C1orf52: variants seen among roughly 807,000 people sequenced by gnomAD.
C1orf52 encodes UPF0690 protein C1orf52.
C1orf52 carries 5 observed loss-of-function variants against 17.2 expected under a neutral mutation model. That is an observed-to-expected ratio of 0.29 (90% CI 0.15 to 0.61). C1orf52 has a LOEUF of 0.61. C1orf52 is among the 20% of genes least tolerant of loss of function. The pLI is 0.85. For missense variants in C1orf52, 245 were observed against 234.1 expected (o/e 1.05, Z -0.30); for synonymous variants, 110 against 88.0 (o/e 1.25, Z -1.40).
In C1orf52 at chr1:85,259,515, T is replaced by G; in HGVS notation, c.119A>C (p.Asp40Ala). Residue 40 changes from aspartate (D) to alanine (A), a missense_variant, in exon 1 of 3, where the codon GAT (aspartate) becomes GCT (alanine). Transcript: ENST00000471115. ...ACAGCCGCCCGCCGACTTCGCCGGA[T>G]CCGGGGTTCTGCGACTCGTCTCCTC... ...EPEETSRRTP[D>A]PAKSAGGCRN... 6.2e-7 allele frequency: 1 copy of G among 1,613,914 alleles called. No individual in the cohort carries two copies. The highest frequency in any genetic ancestry group is 8.5e-7 in the Non-Finnish European group (1 of 1,180,014).
At chr1:85,259,168 T>A in intron 1 of C1orf52, 190 bp downstream of exon 1, 2 of 1,105,118 alleles carry the variant, frequency 1.8e-6, no homozygotes, top group Non-Finnish European at 2.5e-6. Context: ...GGGCTGCGGG[T>A]CCGGTCTAAC....
chr1:85,257,562 CA>C (rs1414953629), intron 2 of C1orf52: 1 of 686,714 alleles, frequency 1.5e-6, no homozygotes, highest in Non-Finnish European at 2.7e-6. Context: ...GGGTTTTAAG[CA>C]GGCAAGTTAT....
intron 2 of C1orf52, among the ~76,000 whole-genome samples, chr1:85,255,679 G>A (rs1360437097): frequency 6.6e-6 from 1 of 152,150 alleles, no homozygotes; most frequent in Admixed American, 6.5e-5. Flanking sequence ...GGGCAGAATG[G>A]GGAAGCAAAA....
chr1:85,257,435 C>T, intron 2 of C1orf52: 1 of 716,910 alleles, frequency 1.4e-6, no homozygotes, highest in Non-Finnish European at 2.6e-6. Flanking sequence ...GGCAGGGAAC[C>T]ATACAATTCA....
intron 2 of C1orf52, among the ~76,000 whole-genome samples, chr1:85,253,283 T>C (rs1659847522): frequency 6.6e-6 from 1 of 152,214 alleles, no homozygotes; most frequent in Non-Finnish European, 1.5e-5. Flanking sequence ...CATATTGTTT[T>C]CTTTTTACAA....
chr1:85,254,140 TCA>T (rs1401958939), intron 2 of C1orf52, among the ~76,000 whole-genome samples: 6 of 152,214 alleles, frequency 3.9e-5, no homozygotes, highest in African/African-American at 1.4e-4. Flanking sequence ...TCAGAATATC[TCA>T]TTTATTGATG....
chr1:85,259,066 A>G, intron 1 of C1orf52: 1 of 1,146,894 alleles, frequency 8.7e-7, no homozygotes, highest in Non-Finnish European at 1.1e-6. Context: ...GAGAAGCTGC[A>G]GCGGGGGGGG....
chr1:85,255,705 C>T (rs1473962879), intron 2 of C1orf52, among the ~76,000 whole-genome samples: 1 of 152,036 alleles, frequency 6.6e-6, no homozygotes, highest in Non-Finnish European at 1.5e-5. Context: ...AAGTCACTTG[C>T]TAATCTAAAA....
At chr1:85,254,470 T>C (rs564348917) in intron 2 of C1orf52, among the ~76,000 whole-genome samples, 7 of 151,966 alleles carry the variant, frequency 4.6e-5, no homozygotes, top group South Asian at 4.2e-4. Flanking sequence ...CAGCTCATTG[T>C]AATCTCCACC....
chr1:85,259,270 G>C, intron 1 of C1orf52, 88 bp downstream of exon 1: 3 of 1,468,422 alleles, frequency 2.0e-6, no homozygotes, highest in Non-Finnish European at 2.8e-6. Flanking sequence ...GCGTGTGGGG[G>C]GATGGACAGC....
At chr1:85,256,108 C>T (rs548269687) in intron 2 of C1orf52, among the ~76,000 whole-genome samples, 6 of 152,306 alleles carry the variant, frequency 3.9e-5, no homozygotes, top group African/African-American at 1.4e-4. Flanking sequence ...TGCCATTCGC[C>T]CTACAGAAGA....
chr1:85,255,323 G>A (rs763087564), intron 2 of C1orf52, among the ~76,000 whole-genome samples: 2 of 152,098 alleles, frequency 1.3e-5, no homozygotes, highest in South Asian at 2.1e-4. Flanking sequence ...AGGCTGAAGC[G>A]GGCGGATCAC....
At chr1:85,258,824 C>CTT in intron 1 of C1orf52, 102 bp from the exon 2 acceptor site, 2 of 1,394,932 alleles carry the variant, frequency 1.4e-6, no homozygotes, top group Non-Finnish European at 1.9e-6. Flanking sequence ...TTCAGGCTGA[C>CTT]TTTTTTTTTC....
rs528153083 is a variant in C1orf52, at chr1:85,255,509, C to T, written c.476-2807G>A. 2.9e-3 allele frequency among the ~76,000 whole-genome samples: 446 copies of T among 151,478 alleles called. 2 individuals are homozygous for T. Among genetic ancestry groups the T allele is most frequent in the African/African-American group, 0.01 (428 of 41,206 alleles). On this transcript the variant is annotated intron_variant, in intron 2 of 2. Transcript: ENST00000471115. ...AGGTTGCAGTGAGCCGAGATCACAC[C>T]ACTGCACTCCAGCCTGGGCGACAGA...
chr1:85,259,192 G>T, intron 1 of C1orf52, 166 bp downstream of exon 1: 1 of 1,139,526 alleles, frequency 8.8e-7, no homozygotes, highest in Non-Finnish European at 1.2e-6. Flanking sequence ...CACCAGGCGG[G>T]GAGAGGGGGC....
chr1:85,256,814 A>AAAAAAAAAAAAAAAG (rs1553178011), intron 2 of C1orf52, among the ~76,000 whole-genome samples: 234 of 108,158 alleles, frequency 2.2e-3, no homozygotes, highest in Non-Finnish European at 2.6e-3. Flanking sequence ...AAAAAAAAAA[A>AAAAAAAAAAAAAAAG]AAAAGAAAAG....
chr1:85,252,672 T>C lies in C1orf52; in HGVS notation c.506A>G (p.Lys169Arg). 1 of 1,613,202 alleles carries C rather than the reference T, an allele frequency of 6.2e-7. No individual in the cohort carries two copies. The highest frequency in any genetic ancestry group is 8.5e-7 in the Non-Finnish European group (1 of 1,179,456). Residue 169 changes from lysine (K) to arginine (R), a missense_variant, in exon 3 of 3, where the codon AAG becomes AGG. Physicochemically the swap from Lys to Arg is conservative, Grantham distance 26. Transcript: ENST00000471115. ...DDEKDEHTSK[K>R]RKVEPGEPAK... ...TGGTTCTCCTGGCTCTACTTTGCGCTTTTTAGAAGTATGCTCATCTTTTTC... is the reference window on the plus strand; with the variant it reads ...TGGTTCTCCTGGCTCTACTTTGCGCCTTTTAGAAGTATGCTCATCTTTTTC...
At chr1:85,254,436 G>A (rs1299784921) in intron 2 of C1orf52, among the ~76,000 whole-genome samples, 2 of 149,968 alleles carry the variant, frequency 1.3e-5, no homozygotes, top group African/African-American at 4.9e-5. Context: ...CTGTTGCCCA[G>A]GATGGAGTGC....
In C1orf52 at chr1:85,252,486, A is replaced by G. The variant is rs1557777489; in HGVS notation, c.*143T>C. 5 of 636,498 alleles carry G rather than the reference A, an allele frequency of 7.9e-6. No homozygotes were observed. Among genetic ancestry groups the G allele is most frequent in the Non-Finnish European group, 1.4e-5 (5 of 366,852 alleles). 39.4% of individuals were successfully genotyped at this position (636,498 alleles called of 1,614,324 possible). A position where few individuals can be genotyped will look rare whatever the true frequency, so the allele number is the denominator to read the frequency against. On this transcript the variant is annotated 3_prime_UTR_variant, in exon 3 of 3. Coordinates refer to ENST00000471115, the MANE Select transcript of C1orf52 (RefSeq NM_198077.4). ...AAATAAAAAAAGAATTCTATAGTGGAAAGTTCTTGAGGCAATACTTATTAG... is the reference window on the plus strand; with the variant it reads ...AAATAAAAAAAGAATTCTATAGTGGGAAGTTCTTGAGGCAATACTTATTAG...
Sources: gnomAD v4.1 joint callset for allele counts (sites outside exome capture counted in the v4.1 genomes callset) on GRCh38, gnomAD v4.1.1 for gene constraint, MANE v1.5 for transcripts, NCBI Gene and HGNC (gene_info 2026-07-23, HGNC 2026-07-21) for gene names.